The following MAGI2 variants were observed in gnomAD, a reference collection of about 807,000 sequenced individuals.
MAGI2 encodes membrane-associated guanylate kinase, WW and PDZ domain-containing protein 2.
In MAGI2, 35 loss-of-function variants were observed where a neutral mutation model predicts 133.3. That is an observed-to-expected ratio of 0.26 (90% confidence interval 0.20 to 0.35). MAGI2 has a LOEUF of 0.35. Ranked by LOEUF, MAGI2 falls within the 10% of genes least tolerant of loss-of-function variation. The pLI, the probability that MAGI2 is intolerant of heterozygous loss-of-function variation, is 1.00. For synonymous variants in MAGI2, 729 were observed against 710.6 expected (o/e 1.03, Z -0.41); for missense variants, 1,636 against 1,863.4 (o/e 0.88, Z 2.25).
intron 2 of MAGI2, among the ~76,000 whole-genome samples, chr7:78,809,951 A>T (rs148419370): frequency 6.6e-6 from 1 of 152,310 alleles, no homozygotes; most frequent in African/African-American, 2.4e-5. Flanking sequence ...AATTACTTCA[A>T]GTTTCTTGTG....
intron 3 of MAGI2, among the ~76,000 whole-genome samples, chr7:78,585,596 G>C (rs1433114236): frequency 6.6e-6 from 1 of 152,178 alleles, no homozygotes; most frequent in Non-Finnish European, 1.5e-5. Context: ...CACCTGTGAA[G>C]GGTGGCTGGT....
chr7:78,547,742 G>A (rs1460160733), intron 3 of MAGI2, among the ~76,000 whole-genome samples: 1 of 152,206 alleles, frequency 6.6e-6, no homozygotes, highest in Non-Finnish European at 1.5e-5. Context: ...GGAAACTGGA[G>A]TATCCAGAGA....
intron 1 of MAGI2, among the ~76,000 whole-genome samples, chr7:79,425,737 C>T (rs888202822): frequency 1.3e-5 from 2 of 151,068 alleles, no homozygotes; most frequent in Non-Finnish European, 2.9e-5. Flanking sequence ...TGCTTAACAT[C>T]GTGTTTACGA....
At chr7:79,089,480 T>C (rs1265722796) in intron 1 of MAGI2, among the ~76,000 whole-genome samples, 1 of 152,136 alleles carries the variant, frequency 6.6e-6, no homozygotes, top group Non-Finnish European at 1.5e-5. Context: ...TTATAAATCA[T>C]GCTACTATAA....
intron 9 of MAGI2, among the ~76,000 whole-genome samples, chr7:78,291,225 C>T (rs1160487090): frequency 1.1e-4 from 17 of 151,976 alleles, no homozygotes; most frequent in East Asian, 9.6e-4. Context: ...ATCAAATAGA[C>T]GCAATAAAAA....
chr7:79,329,196 G>A (rs1340686914), intron 1 of MAGI2, among the ~76,000 whole-genome samples: 1 of 152,164 alleles, frequency 6.6e-6, no homozygotes, highest in East Asian at 1.9e-4. Context: ...CTTATAGTTT[G>A]AGAATCACCA....
chr7:78,911,856 C>T lies in MAGI2; in HGVS notation c.418+95234G>A, dbSNP rs150226262. Among the ~76,000 whole-genome samples, 725 of 151,976 alleles carry T rather than the reference C, an allele frequency of 4.8e-3. 3 individuals are homozygous for T. The highest frequency in any genetic ancestry group is 0.017 in the African/African-American group (685 of 41,456). On this transcript the variant is annotated intron_variant, in intron 2 of 21. Transcript: ENST00000354212. ...TTTCTGTTCCTCTCTCTCCTCCAACCCTCCACTCCTAAATGCTCATCAATG... is the reference window on the plus strand; with the variant it reads ...TTTCTGTTCCTCTCTCTCCTCCAACTCTCCACTCCTAAATGCTCATCAATG...
intron 2 of MAGI2, among the ~76,000 whole-genome samples, chr7:78,652,257 A>T (rs1811659235): frequency 6.6e-6 from 1 of 152,206 alleles, no homozygotes; most frequent in African/African-American, 2.4e-5. Context: ...GCATCCATCA[A>T]ACTAATCTAC....
intron 9 of MAGI2, among the ~76,000 whole-genome samples, chr7:78,315,312 T>C (rs998347251): frequency 6.6e-6 from 1 of 152,188 alleles, no homozygotes. Context: ...ATGTTCAAAA[T>C]GAATCACACT....
At chr7:78,512,136 TAAA>T (rs539565869) in intron 4 of MAGI2, among the ~76,000 whole-genome samples, 1 of 127,144 alleles carries the variant, frequency 7.9e-6, no homozygotes. Context: ...AAAAATAAAT[TAAA>T]AAAAAAAAAA....
intron 9 of MAGI2, among the ~76,000 whole-genome samples, chr7:78,289,512 G>C (rs1796482183): frequency 6.6e-6 from 1 of 152,180 alleles, no homozygotes; most frequent in Non-Finnish European, 1.5e-5. Context: ...ATAGAACCAA[G>C]TTGGAAAACA....
intron 4 of MAGI2, among the ~76,000 whole-genome samples, chr7:78,521,043 TATTA>T (rs1394909405): frequency 6.6e-6 from 1 of 152,160 alleles, no homozygotes; most frequent in Non-Finnish European, 1.5e-5. Flanking sequence ...TTTTCTCTAA[TATTA>T]ATTAACAGAG....
chr7:79,085,105 G>A (rs1404430201), intron 1 of MAGI2, among the ~76,000 whole-genome samples: 2 of 151,446 alleles, frequency 1.3e-5, no homozygotes, highest in Non-Finnish European at 3.0e-5. Flanking sequence ...TTTTCATTGT[G>A]AGTACATTGC....
At chr7:78,351,994 G>A (rs1791568829) in intron 7 of MAGI2, 1 of 151,850 alleles carries the variant, frequency 6.6e-6, no homozygotes, top group Admixed American at 6.6e-5. Flanking sequence ...CCCTTTTTTT[G>A]TGCTTCAGAA....
intron 2 of MAGI2, among the ~76,000 whole-genome samples, chr7:78,655,082 T>C (rs966132578): frequency 6.6e-6 from 1 of 151,614 alleles, no homozygotes; most frequent in Non-Finnish European, 1.5e-5. Flanking sequence ...TAACAAAATA[T>C]CTTGTGTATA....
chr7:79,015,839 T>C lies in MAGI2; in HGVS notation c.302-8633A>G, dbSNP rs113546800. 9.9e-3 allele frequency among the ~76,000 whole-genome samples: 1,497 copies of C among 151,918 alleles called. 26 individuals are homozygous for C. The highest frequency in any genetic ancestry group is 0.035 in the African/African-American group (1,430 of 41,426). ...ACATGTACAGCATCCCCATGAGAGATGGGGACATTGGGAAGACTGGCATAC... is the reference window on the plus strand; with the variant it reads ...ACATGTACAGCATCCCCATGAGAGACGGGGACATTGGGAAGACTGGCATAC... On this transcript the variant is annotated intron_variant, in intron 1 of 21. Transcript: ENST00000354212.
intron 6 of MAGI2, among the ~76,000 whole-genome samples, chr7:78,403,052 C>T (rs987191225): frequency 1.3e-5 from 2 of 152,048 alleles, no homozygotes; most frequent in Non-Finnish European, 2.9e-5. Context: ...GCACAACGTG[C>T]AGGTTTGTTA....
chr7:78,189,603 G>A (rs1828019399), intron 12 of MAGI2, among the ~76,000 whole-genome samples: 1 of 152,172 alleles, frequency 6.6e-6, no homozygotes, highest in Non-Finnish European at 1.5e-5. Flanking sequence ...AATAACCAAA[G>A]TTCAATGTGA....
At chr7:78,356,886 C>T (rs1372057546) in intron 7 of MAGI2, among the ~76,000 whole-genome samples, 3 of 152,184 alleles carry the variant, frequency 2.0e-5, no homozygotes. Flanking sequence ...CCTTCTCTTC[C>T]ATCTTTCAGA....
Sources: allele counts gnomAD v4.1 joint callset (sites outside exome capture counted in the v4.1 genomes callset), GRCh38; gene constraint gnomAD v4.1.1; transcripts MANE v1.5; gene names NCBI Gene and HGNC (gene_info 2026-07-23, HGNC 2026-07-21).